The following SYNDIG1 variants were observed in gnomAD, a reference collection of about 807,000 sequenced individuals.
SYNDIG1 encodes the protein synapse differentiation inducing 1.
SYNDIG1 carries 9 observed loss-of-function variants against 19.4 expected under a neutral mutation model. That is an observed-to-expected ratio of 0.46 (90% CI 0.28 to 0.81). The LOEUF (loss-of-function observed/expected upper bound fraction) is 0.81, where lower values mean the gene tolerates loss of function less well. Among genes scored for constraint, SYNDIG1 ranks in the 30% least tolerant of loss-of-function variants. The pLI, the probability that SYNDIG1 is intolerant of heterozygous loss-of-function variation, is 0.12. For synonymous variants in SYNDIG1, 141 were observed against 145.9 expected, an observed-to-expected ratio of 0.97 and a Z score of 0.24; for missense variants, 311 against 343.3, an observed-to-expected ratio of 0.91 and a Z score of 0.74.
At chr20:24,589,171 G>T (rs1335710182) in intron 3 of SYNDIG1, among the ~76,000 whole-genome samples, 1 of 152,178 alleles carries the variant, frequency 6.6e-6, no homozygotes, top group Admixed American at 6.5e-5. Flanking sequence ...CCCATAATTG[G>T]CTGAGTGGCT....
At chr20:24,511,745 A>G (rs1442545572) in intron 1 of SYNDIG1, among the ~76,000 whole-genome samples, 1 of 151,980 alleles carries the variant, frequency 6.6e-6, no homozygotes, top group Admixed American at 6.6e-5. Context: ...AAAAATTGCT[A>G]TGTTATGCAG....
intron 2 of SYNDIG1, among the ~76,000 whole-genome samples, chr20:24,561,708 A>G (rs1422639970): frequency 6.6e-6 from 1 of 152,194 alleles, no homozygotes; most frequent in African/African-American, 2.4e-5. Flanking sequence ...TTTCCTGGGC[A>G]TGAGATCGGC....
At chr20:24,641,271 TGATGGATGGATGGATTGATG>T (rs1268602767) in intron 3 of SYNDIG1, among the ~76,000 whole-genome samples, 3 of 152,032 alleles carry the variant, frequency 2.0e-5, no homozygotes, top group Non-Finnish European at 4.4e-5. Flanking sequence ...AAAAAGATGA[TGATGGATGGATGGATTGATG>T]GATGGATGGA....
At chr20:24,594,134 A>G (rs1304401887) in intron 3 of SYNDIG1, among the ~76,000 whole-genome samples, 2 of 151,924 alleles carry the variant, frequency 1.3e-5, no homozygotes, top group African/African-American at 2.4e-5. Flanking sequence ...GGTATTTCCT[A>G]GGTTATCTTC....
chr20:24,498,931 G>C (rs1411553323), intron 1 of SYNDIG1, among the ~76,000 whole-genome samples: 2 of 152,184 alleles, frequency 1.3e-5, no homozygotes, highest in African/African-American at 4.8e-5. Context: ...GTCATAGGGT[G>C]GTTCGAGTTT....
intron 3 of SYNDIG1, among the ~76,000 whole-genome samples, chr20:24,648,711 T>A (rs1200246210): frequency 6.6e-6 from 1 of 152,124 alleles, no homozygotes; most frequent in East Asian, 1.9e-4. Context: ...CCCATCTTCT[T>A]AGAAGGAGCC....
intron 3 of SYNDIG1, among the ~76,000 whole-genome samples, chr20:24,644,110 A>G (rs1212979151): frequency 2.0e-5 from 3 of 152,220 alleles, no homozygotes; most frequent in Non-Finnish European, 2.9e-5. Flanking sequence ...AGAAAAATCA[A>G]TGGATTCCAG....
chr20:24,573,998 G>T (rs2058186637), intron 2 of SYNDIG1, among the ~76,000 whole-genome samples: 2 of 152,172 alleles, frequency 1.3e-5, no homozygotes. Context: ...CAGGAGACCA[G>T]GGTCAGTTTA....
At chr20:24,580,968 G>A (rs1262002899) in intron 2 of SYNDIG1, among the ~76,000 whole-genome samples, 6 of 152,178 alleles carry the variant, frequency 3.9e-5, no homozygotes, top group African/African-American at 1.2e-4. Context: ...CTAAGATCGG[G>A]AAAACCTCAC....
chr20:24,480,490 C>G (rs150967460), intron 1 of SYNDIG1, among the ~76,000 whole-genome samples: 4 of 152,132 alleles, frequency 2.6e-5, no homozygotes, highest in African/African-American at 9.7e-5. Context: ...TTGGTAAGGA[C>G]GTTTGGAAAT....
chr20:24,638,012 C>T lies in SYNDIG1; in HGVS notation c.619-27334C>T, dbSNP rs532072532. ...TTAATGGCCAAGCTGGGACTAACAT[C>T]CAGTCATCCAGTGTCCGAGAGAGTG... is the stretch of plus-strand genomic sequence containing the variant. On this transcript the variant is annotated intron_variant, in intron 3 of 3. Coordinates refer to ENST00000376862, the MANE Select transcript of SYNDIG1 (RefSeq NM_024893.3). Among the ~76,000 whole-genome samples the T allele has an allele frequency of 3.3e-5, 5 of 152,372 alleles. No homozygotes were observed. In the East Asian group the frequency reaches 9.6e-4, roughly 29 times the overall value.
chr20:24,549,814 A>T (rs974269839), intron 2 of SYNDIG1, among the ~76,000 whole-genome samples: 1 of 152,056 alleles, frequency 6.6e-6, no homozygotes, highest in African/African-American at 2.4e-5. Context: ...AGTGGGATGG[A>T]TGTGGAGCCG....
At chr20:24,579,720 G>A (rs952131205) in intron 2 of SYNDIG1, among the ~76,000 whole-genome samples, 1 of 152,192 alleles carries the variant, frequency 6.6e-6, no homozygotes, top group Non-Finnish European at 1.5e-5. Flanking sequence ...GCTCCTCAGT[G>A]CAGATGTGGC....
intron 1 of SYNDIG1, among the ~76,000 whole-genome samples, chr20:24,484,362 G>A (rs1285830525): frequency 6.6e-6 from 1 of 152,152 alleles, no homozygotes; most frequent in African/African-American, 2.4e-5. Context: ...GAACGATATT[G>A]GCCTTTCTCA....
intron 3 of SYNDIG1, among the ~76,000 whole-genome samples, chr20:24,656,699 C>T (rs953162785): frequency 4.6e-5 from 7 of 152,262 alleles, no homozygotes; most frequent in Non-Finnish European, 1.0e-4. Context: ...TTCGCTTCCT[C>T]CTGAGCTCTG....
rs527858382 is a variant in SYNDIG1 at position 24,489,769 on chromosome 20, G to T, written c.-79+20016G>T. On this transcript the variant is annotated intron_variant, in intron 1 of 3. Transcript: ENST00000376862. ...GGAGGGAGGAGGGAGTTGCCACTGG[G>T]GAGCCAGGGGCCTCCAGCCAAAGGA... Among the ~76,000 whole-genome samples the T allele has an allele frequency of 5.9e-5, 9 of 152,364 alleles. No individual in the cohort carries two copies. In the East Asian group the frequency reaches 7.7e-4, roughly 13 times the overall value.
At chr20:24,602,933 G>A (rs573338075) in intron 3 of SYNDIG1, among the ~76,000 whole-genome samples, 1 of 152,316 alleles carries the variant, frequency 6.6e-6, no homozygotes, top group Non-Finnish European at 1.5e-5. Flanking sequence ...TTCTTCTGGT[G>A]CTAACTGAAA....
intron 1 of SYNDIG1, among the ~76,000 whole-genome samples, chr20:24,523,622 C>A (rs1329538203): frequency 6.6e-6 from 1 of 152,220 alleles, no homozygotes; most frequent in South Asian, 2.1e-4. Context: ...CAAACGGATT[C>A]TGTCTTTTTA....
chr20:24,664,032 T>C (rs2059627099), intron 3 of SYNDIG1, among the ~76,000 whole-genome samples: 1 of 152,054 alleles, frequency 6.6e-6, no homozygotes, highest in Admixed American at 6.6e-5. Flanking sequence ...CTCTGCTCCC[T>C]CCAGAATTGT....
Sources: gnomAD v4.1 joint callset for allele counts (sites outside exome capture counted in the v4.1 genomes callset) on GRCh38, gnomAD v4.1.1 for gene constraint, MANE v1.5 for transcripts, NCBI Gene and HGNC (gene_info 2026-07-23, HGNC 2026-07-21) for gene names.